MSN: variants seen among roughly 807,000 people sequenced by gnomAD.
The protein encoded by MSN is moesin, also known as epididymis luminal protein 70.
Under a neutral mutation model 48.0 loss-of-function variants are expected in MSN, and 2 were observed. The ratio of observed to expected loss-of-function variants is 0.04; its 90% CI spans 0.02 to 0.13. The LOEUF is 0.13. Ranked by LOEUF, MSN falls within the 10% of genes least tolerant of loss-of-function variation. The pLI, the probability that MSN is intolerant of heterozygous loss-of-function variation, is 1.00. For missense variants in MSN, 267 were observed against 470.1 expected (o/e 0.57, Z 3.99); for synonymous variants, 146 against 166.9 (o/e 0.87, Z 0.97).
intron 1 of MSN, among the ~76,000 whole-genome samples, chrX:65,591,220 T>C (rs944229771): frequency 8.9e-6 from 1 of 111,733 alleles, no homozygotes; most frequent in Non-Finnish European, 1.9e-5. Context: ...ATCTTATCCT[T>C]TGGCTTGCTC....
chrX:65,670,083 T>A (rs747841954), intron 1 of MSN, among the ~76,000 whole-genome samples: 1 of 111,864 alleles, frequency 8.9e-6, no homozygotes, highest in Admixed American at 9.5e-5. Context: ...TTGAGCAAAG[T>A]GGCCAAGGTT....
chrX:65,643,946 C>G (rs1602746610), intron 1 of MSN, among the ~76,000 whole-genome samples: 2 of 111,734 alleles, frequency 1.8e-5, no homozygotes, highest in African/African-American at 6.5e-5. Flanking sequence ...GTTGGTCACC[C>G]TACACAGGGT....
At chrX:65,665,727 G>A (rs1569459622), upstream of MSN, among the ~76,000 whole-genome samples, 2 of 111,474 alleles carry the variant, frequency 1.8e-5, no homozygotes, top group Non-Finnish European at 3.8e-5. Context: ...TGGAAGCCCC[G>A]GAGTCCAGTC....
chrX:65,631,323 A>T (rs766556823), intron 1 of MSN, among the ~76,000 whole-genome samples: 10 of 110,390 alleles, frequency 9.1e-5, no homozygotes, highest in South Asian at 3.9e-4. Context: ...TGAACTCCTG[A>T]CCTCAAATGA....
intron 1 of MSN, among the ~76,000 whole-genome samples, chrX:65,680,384 G>C (rs2071042776): frequency 8.9e-6 from 1 of 111,776 alleles, no homozygotes; most frequent in Admixed American, 9.5e-5. Context: ...TAAAAACTTA[G>C]ATAAATGCTA....
chrX:65,699,274 G>C (rs2071276606), intron 1 of MSN, among the ~76,000 whole-genome samples: 1 of 111,862 alleles, frequency 8.9e-6, no homozygotes, highest in African/African-American at 3.3e-5. Context: ...ATTGGACTCA[G>C]AGACCCAATC....
intron 1 of MSN, among the ~76,000 whole-genome samples, chrX:65,639,892 G>C (rs778725346): frequency 2.1e-4 from 24 of 111,786 alleles, no homozygotes; most frequent in Non-Finnish European, 3.9e-4. Context: ...CTGTTTGCCA[G>C]CTACTTTCTC....
chrX:65,680,750 T>C (rs1231935797), intron 1 of MSN, among the ~76,000 whole-genome samples: 1 of 110,719 alleles, frequency 9.0e-6, no homozygotes, highest in Non-Finnish European at 1.9e-5. Context: ...ATTTGTTTTG[T>C]TTTGTTTTGT....
chrX:65,651,565 TTATTATTATTATTATTA>T, intron 1 of MSN, among the ~76,000 whole-genome samples: 1 of 58,762 alleles, frequency 1.7e-5, no homozygotes, highest in African/African-American at 1.4e-4. Flanking sequence ...GTAATATTTA[TTATTATTATTATTATTA>T]TTATTATTAT....
chrX:65,649,582 A>ATAT (rs1360642880), intron 1 of MSN, among the ~76,000 whole-genome samples: 14 of 98,363 alleles, frequency 1.4e-4, no homozygotes, highest in African/African-American at 5.6e-4. Flanking sequence ...TCTCAAAAAA[A>ATAT]AAAAAAATAT....
chrX:65,592,185 T>C, intron 1 of MSN, among the ~76,000 whole-genome samples: 1 of 104,652 alleles, frequency 9.6e-6, no homozygotes, highest in African/African-American at 3.5e-5. Context: ...TGATATCCTC[T>C]TCATCCCTTT....
intron 1 of MSN, among the ~76,000 whole-genome samples, chrX:65,624,237 C>A (rs1468549399): frequency 9.2e-6 from 1 of 109,268 alleles, no homozygotes; most frequent in Non-Finnish European, 1.9e-5. Flanking sequence ...CACCACCACA[C>A]CCGGCTAATT....
intron 1 of MSN, among the ~76,000 whole-genome samples, chrX:65,691,027 T>C (rs1569462906): frequency 9.0e-6 from 1 of 111,307 alleles, no homozygotes; most frequent in Non-Finnish European, 1.9e-5. Flanking sequence ...GCAAGCAGCA[T>C]GAGTAGGACA....
intron 1 of MSN, among the ~76,000 whole-genome samples, chrX:65,606,879 C>T (rs1049759560): frequency 8.9e-6 from 1 of 112,374 alleles, no homozygotes; most frequent in Non-Finnish European, 1.9e-5. Context: ...TCACTATTTG[C>T]AAGTTACTGT....
At chrX:65,602,429 C>T (rs769451645) in intron 1 of MSN, among the ~76,000 whole-genome samples, 1 of 111,700 alleles carries the variant, frequency 9.0e-6, no homozygotes, top group East Asian at 2.8e-4. Context: ...AGTCTTTCCC[C>T]TCCCATGCTT....
intron 1 of MSN, among the ~76,000 whole-genome samples, chrX:65,707,795 G>T (rs1193569612): frequency 8.9e-6 from 1 of 111,738 alleles, no homozygotes; most frequent in East Asian, 2.8e-4. Context: ...AGCCCATCTT[G>T]CACTCTTGAA....
At chrX:65,697,039 G>A (rs988800561) in intron 1 of MSN, among the ~76,000 whole-genome samples, 1 of 111,341 alleles carries the variant, frequency 9.0e-6, no homozygotes, top group African/African-American at 3.3e-5. Flanking sequence ...CTTGCAGCAG[G>A]TTATGAGGCC....
intron 2 of MSN, among the ~76,000 whole-genome samples, chrX:65,720,315 A>G (rs1372774322): frequency 1.8e-5 from 2 of 112,097 alleles, no homozygotes; most frequent in African/African-American, 6.5e-5. Context: ...GGTGATTGGG[A>G]GTATTCAACT....
At chrX:65,645,499 G>A (rs1040142308) in intron 1 of MSN, among the ~76,000 whole-genome samples, 1 of 109,845 alleles carries the variant, frequency 9.1e-6, no homozygotes, top group Non-Finnish European at 1.9e-5. Context: ...TGTAGGCGGG[G>A]CGGGGGTGGT....
Sources: allele counts gnomAD v4.1 joint callset (sites outside exome capture counted in the v4.1 genomes callset), GRCh38; gene constraint gnomAD v4.1.1; transcripts MANE v1.5; gene names NCBI Gene and HGNC (gene_info 2026-07-23, HGNC 2026-07-21).